Variants in ATP10B observed in about 807,000 individuals in gnomAD.
The protein encoded by ATP10B is phospholipid-transporting ATPase VB.
A neutral mutation model predicts 141.2 loss-of-function variants in ATP10B; 122 were observed. That is an observed-to-expected ratio of 0.86 (90% confidence interval 0.75 to 1.00). The LOEUF (loss-of-function observed/expected upper bound fraction) is 1.00, where lower values mean the gene tolerates loss of function less well. ATP10B is among the 50% of genes least tolerant of loss of function. The pLI, the probability that ATP10B is intolerant of heterozygous loss-of-function variation, is 0.00. For synonymous variants in ATP10B, 685 were observed against 692.0 expected (o/e 0.99, Z 0.16); for missense variants, 1,876 against 1,825.3 (o/e 1.03, Z -0.51).
intron 7 of ATP10B, among the ~76,000 whole-genome samples, chr5:160,652,183 T>G (rs1364204175): frequency 6.6e-6 from 1 of 152,062 alleles, no homozygotes; most frequent in African/African-American, 2.4e-5. Context: ...AGCACAGGAC[T>G]TTTGTCCCCA....
chr5:160,826,589 G>C (rs1023388688), intron 1 of ATP10B, among the ~76,000 whole-genome samples: 2 of 152,144 alleles, frequency 1.3e-5, no homozygotes, highest in Admixed American at 6.6e-5. Flanking sequence ...TTTTTAGCGA[G>C]GGAAGACAAC....
At chr5:160,737,182 A>G (rs904757834) in intron 2 of ATP10B, among the ~76,000 whole-genome samples, 1 of 152,216 alleles carries the variant, frequency 6.6e-6, no homozygotes, top group African/African-American at 2.4e-5. Context: ...TTGGTGCTGA[A>G]AAGTATTTGA....
intron 22 of ATP10B, among the ~76,000 whole-genome samples, chr5:160,592,150 CTTAGTCTA>C (rs1470120363): frequency 6.6e-6 from 1 of 152,200 alleles, no homozygotes; most frequent in East Asian, 1.9e-4. Flanking sequence ...TCAGGCCTGC[CTTAGTCTA>C]TTTGATACCA....
intron 22 of ATP10B, among the ~76,000 whole-genome samples, chr5:160,592,393 C>A (rs1756370677): frequency 6.6e-6 from 1 of 152,060 alleles, no homozygotes; most frequent in Non-Finnish European, 1.5e-5. Flanking sequence ...TAGGGCAGTC[C>A]CATATTAATG....
rs868644432 is a variant in ATP10B, at chr5:160,620,328, C to G, written c.2416+19G>C. 6.3e-7 allele frequency: 1 copy of G among 1,586,922 alleles called. No individual in the cohort carries two copies. Among genetic ancestry groups the G allele is most frequent in the Non-Finnish European group, 8.6e-7 (1 of 1,165,646 alleles). On this transcript the variant is annotated intron_variant, in intron 15 of 25. Transcript: ENST00000327245. ...TATAGAACTCTCTGTGCCTGGAACCCTGGTAAGGCAGGACTCACCGCAGGC... is the reference window on the plus strand; with the variant it reads ...TATAGAACTCTCTGTGCCTGGAACCGTGGTAAGGCAGGACTCACCGCAGGC...
At chr5:160,774,652 G>A (rs181189177) in intron 2 of ATP10B, among the ~76,000 whole-genome samples, 8 of 152,290 alleles carry the variant, frequency 5.3e-5, no homozygotes, top group Admixed American at 3.9e-4. Context: ...CCTGGTCCAC[G>A]AAGGACTTAT....
At chr5:160,851,895 A>T (rs1467403728) in intron 1 of ATP10B, 46 bp downstream of exon 1, 1 of 152,202 alleles carries the variant, frequency 6.6e-6, no homozygotes, top group Non-Finnish European at 1.5e-5. Context: ...CTAAGAGGCA[A>T]TTACTCCCCC....
intron 3 of ATP10B, among the ~76,000 whole-genome samples, chr5:160,691,408 T>C (rs1764070356): frequency 6.6e-6 from 1 of 152,158 alleles, no homozygotes; most frequent in Admixed American, 6.5e-5. Context: ...TTCTGAACTC[T>C]TTTAAATAAA....
In ATP10B at chr5:160,620,795, G is replaced by A. The variant is rs1226268925; in HGVS notation, c.1968C>T (p.Ala656=). 1.2e-6 allele frequency: 2 copies of A among 1,614,074 alleles called. No individual in the cohort carries two copies. Among genetic ancestry groups the A allele is most frequent in the South Asian group, 2.2e-5 (2 of 91,090 alleles). ...CATCTCTCTCATCCGAGTCTGTGGTGGCCACGTTGGCCCCTAAGCTCTCCC... is the reference window on the plus strand; with the variant it reads ...CATCTCTCTCATCCGAGTCTGTGGTAGCCACGTTGGCCCCTAAGCTCTCCC... ...DLGESLGANV[A]TTDSDERDDA... Residue 656 remains alanine, a synonymous_variant, in exon 15 of 26, where the codon GCC becomes GCT. Transcript: ENST00000327245.
intron 2 of ATP10B, among the ~76,000 whole-genome samples, chr5:160,726,256 G>C (rs187111183): frequency 1.3e-5 from 2 of 152,274 alleles, no homozygotes; most frequent in East Asian, 3.9e-4. Context: ...GTTTTTCTTA[G>C]GAAAGTTGCC....
chr5:160,866,943 G>A, the ATP10B span, among the ~76,000 whole-genome samples: 1 of 151,972 alleles, frequency 6.6e-6, no homozygotes, highest in African/African-American at 2.4e-5. Flanking sequence ...TGAACGACTG[G>A]ACCAAAAAGC....
At chr5:160,896,985 T>G in the ATP10B span, among the ~76,000 whole-genome samples, 1 of 152,158 alleles carries the variant, frequency 6.6e-6, no homozygotes, top group African/African-American at 2.4e-5. Context: ...TTTGATAAAA[T>G]TCAATACCCT....
chr5:160,650,810 C>G (rs1194556950), intron 7 of ATP10B, among the ~76,000 whole-genome samples: 2 of 152,158 alleles, frequency 1.3e-5, no homozygotes, highest in Non-Finnish European at 2.9e-5. Context: ...GCAATAACTT[C>G]CAGGCCTTCT....
intron 3 of ATP10B, among the ~76,000 whole-genome samples, chr5:160,703,424 C>A (rs1000283967): frequency 6.6e-6 from 1 of 151,614 alleles, no homozygotes; most frequent in African/African-American, 2.4e-5. Flanking sequence ...ATCATCTGAG[C>A]TTATAAAAAT....
At chr5:160,919,729 A>T in the ATP10B span, among the ~76,000 whole-genome samples, 1 of 152,148 alleles carries the variant, frequency 6.6e-6, no homozygotes, top group African/African-American at 2.4e-5. Flanking sequence ...CTACAGTGGC[A>T]TCTACCCATG....
chr5:160,716,810 G>T (rs1441900807), intron 3 of ATP10B, 99 bp downstream of exon 3: 1 of 792,744 alleles, frequency 1.3e-6, no homozygotes, highest in Non-Finnish European at 1.5e-6. Flanking sequence ...CATCATCAAG[G>T]TGGTGTCATG....
At chr5:160,640,428 C>T (rs1759752991) in intron 10 of ATP10B, 33 bp downstream of exon 10, 3 of 1,604,750 alleles carry the variant, frequency 1.9e-6, no homozygotes, top group African/African-American at 2.7e-5. Context: ...AAATCGATTA[C>T]TGTGTCCTTG....
the ATP10B span, among the ~76,000 whole-genome samples, chr5:160,916,807 G>C: frequency 6.6e-6 from 1 of 152,188 alleles, no homozygotes; most frequent in South Asian, 2.1e-4. Context: ...TGAGGCTCAA[G>C]GGGCTGGCAC....
intron 7 of ATP10B, among the ~76,000 whole-genome samples, chr5:160,649,769 A>G (rs1760570293): frequency 1.3e-5 from 2 of 152,336 alleles, no homozygotes; most frequent in South Asian, 2.1e-4. Flanking sequence ...CACACCACAT[A>G]GAGATATCCA....
Sources: gnomAD v4.1 joint callset for allele counts (sites outside exome capture counted in the v4.1 genomes callset) on GRCh38, gnomAD v4.1.1 for gene constraint, MANE v1.5 for transcripts, NCBI Gene and HGNC (gene_info 2026-07-23, HGNC 2026-07-21) for gene names.